CDK5RAP2: variants seen among roughly 807,000 people sequenced by gnomAD.
CDK5RAP2 encodes the protein CDK5 regulatory subunit-associated protein 2.
Under a neutral mutation model 232.9 loss-of-function variants are expected in CDK5RAP2, and 147 were observed. That is an observed-to-expected ratio of 0.63 (90% confidence interval 0.55 to 0.72). The LOEUF is 0.72. CDK5RAP2 is among the 30% of genes least tolerant of loss of function. The probability of loss-of-function intolerance (pLI) is 0.00; values close to 1 mark genes in which losing one functional copy is unlikely to be tolerated. For missense variants in CDK5RAP2, 2,195 were observed against 2,231.5 expected (o/e 0.98, Z 0.33); for synonymous variants, 833 against 833.7 (o/e 1.00, Z 0.01).
intron 34 of CDK5RAP2, among the ~76,000 whole-genome samples, chr9:120,401,749 C>T (rs1206964125): frequency 1.3e-5 from 2 of 151,966 alleles, no homozygotes; most frequent in Non-Finnish European, 2.9e-5. Flanking sequence ...TTTGGGAGGC[C>T]GAGGCAGTTG....
chr9:120,411,695 G>A (rs746699030), intron 28 of CDK5RAP2, among the ~76,000 whole-genome samples: 1 of 152,154 alleles, frequency 6.6e-6, no homozygotes, highest in Non-Finnish European at 1.5e-5. Flanking sequence ...GGAGAACAAA[G>A]CAGAAGACCT....
chr9:120,578,033 G>A (rs2043100881), intron 1 of CDK5RAP2, among the ~76,000 whole-genome samples: 1 of 152,168 alleles, frequency 6.6e-6, no homozygotes, highest in South Asian at 2.1e-4. Context: ...ACTTTGGGAG[G>A]CCAAGGAGAG....
Position 120,481,517 on chromosome 9 carries a change from C to CT in CDK5RAP2, c.1627-4068dup, listed in dbSNP as rs1317098813. ...ATATTGTTTTCTTTTTTTTTTTTTT[C>CT]TTTTTTTTTTTTTGAGATGGAGTCT... On this transcript the variant is annotated intron_variant, in intron 14 of 37. Transcript: ENST00000349780. 7.6e-3 allele frequency among the ~76,000 whole-genome samples: 844 copies of CT among 110,782 alleles called. 3 individuals carry two copies. Among genetic ancestry groups the CT allele is most frequent in the Non-Finnish European group, 8.5e-3 (446 of 52,562 alleles). 72.7% of individuals were successfully genotyped at this position (110,782 alleles called of 152,430 possible). A position where few individuals can be genotyped will look rare whatever the true frequency, so the allele number is the denominator to read the frequency against.
At chr9:120,575,550 G>A (rs2043002852) in intron 1 of CDK5RAP2, among the ~76,000 whole-genome samples, 1 of 152,128 alleles carries the variant, frequency 6.6e-6, no homozygotes, top group Admixed American at 6.5e-5. Flanking sequence ...TGTTTCATGA[G>A]AGTCATGGAT....
intron 3 of CDK5RAP2, among the ~76,000 whole-genome samples, chr9:120,552,693 T>G (rs1588638156): frequency 1.3e-5 from 1 of 78,184 alleles, no homozygotes; most frequent in African/African-American, 5.3e-5. Context: ...GGGCCTGTTG[T>G]GGGGTGGGGG....
At chr9:120,408,101 G>T (rs2033601446) in intron 31 of CDK5RAP2, 9 of 529,362 alleles carry the variant, frequency 1.7e-5, no homozygotes, top group South Asian at 1.6e-4. Context: ...GGGTCACATA[G>T]CTGGGAACAA....
In CDK5RAP2 at chr9:120,439,433, G is replaced by C. The variant is rs775514097; in HGVS notation, c.3688C>G (p.Leu1230Val). 36 of 1,614,054 alleles carry C rather than the reference G, an allele frequency of 2.2e-5. No individual in the cohort carries two copies. In the Admixed American group the frequency reaches 6.0e-4, roughly 27 times the overall value. ...GAGAGATCTCTGAACTTATTCTGCAGATTATGGATCTCACTGAAAAGTTGC... is the reference window on the plus strand; with the variant it reads ...GAGAGATCTCTGAACTTATTCTGCACATTATGGATCTCACTGAAAAGTTGC... ...NMQLFSEIHN[L>V]QNKFRDLSPP... Residue 1230 changes from leucine to valine, a missense_variant, in exon 24 of 38, where the codon CTG becomes GTG. Physicochemically the swap from Leu to Val is conservative, Grantham distance 32. Coordinates refer to ENST00000349780, the MANE Select transcript of CDK5RAP2 (RefSeq NM_018249.6).
rs765012481 is a variant in CDK5RAP2, at chr9:120,518,511, A to C, written c.1227T>G (p.Ser409Arg). The C allele has an allele frequency of 8.7e-6, 14 of 1,612,558 alleles. No individual in the cohort carries two copies. Among genetic ancestry groups the C allele is most frequent in the South Asian group, 1.1e-5 (1 of 90,876 alleles). Residue 409 changes from serine to arginine, a missense_variant, in exon 12 of 38, where the codon AGT becomes AGG. By Grantham distance (110) the Ser-to-Arg change is moderately radical. Transcript: ENST00000349780. ...GTCTCTCCCTCTCCTGCTGCAAGTC[A>C]CTCAGCTCCTGGGTGATCTTCTTAA... ...RSIKKITQEL[S>R]DLQQERERLE...
intron 23 of CDK5RAP2, among the ~76,000 whole-genome samples, chr9:120,440,974 CT>C (rs2035864818): frequency 1.3e-5 from 2 of 152,194 alleles, no homozygotes; most frequent in South Asian, 4.1e-4. Flanking sequence ...CTAGTAATAG[CT>C]AAACCCTTAG....
rs375270733 is a variant in CDK5RAP2, at chr9:120,549,834, C to G, written c.306+958G>C. Among the ~76,000 whole-genome samples the G allele has an allele frequency of 1.2e-4, 19 of 152,332 alleles. No individual in the cohort carries two copies. The South Asian group carries it at 3.9e-3, about 32-fold the overall frequency. On this transcript the variant is annotated intron_variant, in intron 4 of 37. Transcript: ENST00000349780. Reference sequence around the variant, plus strand: ...CCAGAAAAGGGGACATCCTCACTGTCTTTCCACTCCCAGAGTGAAGAAAAA... The same window carrying G: ...CCAGAAAAGGGGACATCCTCACTGTGTTTCCACTCCCAGAGTGAAGAAAAA...
intron 30 of CDK5RAP2, among the ~76,000 whole-genome samples, chr9:120,408,865 A>G (rs143749957): frequency 4.3e-4 from 66 of 152,368 alleles, no homozygotes; most frequent in African/African-American, 1.5e-3. Context: ...CACTGCATTC[A>G]GCTCTCTGAG....
chr9:120,493,912 C>T (rs774704712), intron 12 of CDK5RAP2, among the ~76,000 whole-genome samples: 5 of 151,856 alleles, frequency 3.3e-5, no homozygotes, highest in Non-Finnish European at 4.4e-5. Flanking sequence ...GCCAACATGG[C>T]GAAACTCTGT....
In CDK5RAP2 at chr9:120,532,397, G is replaced by A. The variant is rs891486723; in HGVS notation, c.663-2257C>T. On this transcript the variant is annotated intron_variant, in intron 7 of 37. Coordinates refer to ENST00000349780, the MANE Select transcript of CDK5RAP2 (RefSeq NM_018249.6). ...AAAGCATGCACCTTTAAAAAGGGTG[G>A]TGGGAGCCCAGAAAGATATTGGCAG... 7 of 152,294 alleles carry A rather than the reference G, an allele frequency of 4.6e-5. No individual in the cohort carries two copies. The East Asian group carries it at 1.2e-3, about 25-fold the overall frequency. 9.4% of individuals were successfully genotyped at this position (152,294 alleles called of 1,614,324 possible). A position where few individuals can be genotyped will look rare whatever the true frequency, so the allele number is the denominator to read the frequency against.
chr9:120,567,839 T>C lies in CDK5RAP2; in HGVS notation c.195+482A>G, dbSNP rs545244361. The stretch of plus-strand genomic sequence containing the variant: ...ATTCAAATCCCAACTCTGACACTTA[T>C]GTATTATATGACCATAAACAACTCT... On this transcript the variant is annotated intron_variant, in intron 3 of 37. Transcript: ENST00000349780. 7.8e-4 allele frequency among the ~76,000 whole-genome samples: 119 copies of C among 152,364 alleles called. No homozygotes were observed. In the Middle Eastern group the frequency reaches 0.01, roughly 13 times the overall value.
intron 15 of CDK5RAP2, 104 bp from the exon 16 acceptor site, chr9:120,471,982 T>C: frequency 6.8e-7 from 1 of 1,477,562 alleles, no homozygotes; most frequent in Non-Finnish European, 9.4e-7. Context: ...TTGTGTTTTT[T>C]TCTGGTTATA....
At chr9:120,515,060 C>A (rs574234451) in intron 12 of CDK5RAP2, among the ~76,000 whole-genome samples, 1 of 148,362 alleles carries the variant, frequency 6.7e-6, no homozygotes, top group East Asian at 1.9e-4. Flanking sequence ...TCGAGAGAGA[C>A]AGAGAGAGAG....
chr9:120,394,416 C>T, intron 36 of CDK5RAP2, 96 bp downstream of exon 36: 1 of 1,596,494 alleles, frequency 6.3e-7, no homozygotes, highest in South Asian at 1.1e-5. Flanking sequence ...TGATTACAAA[C>T]CATCTGGGCT....
chr9:120,501,804 C>A (rs2039588095), intron 12 of CDK5RAP2, among the ~76,000 whole-genome samples: 1 of 152,212 alleles, frequency 6.6e-6, no homozygotes, highest in Non-Finnish European at 1.5e-5. Flanking sequence ...CAGCTATGCC[C>A]TGCCCAAGTC....
intron 18 of CDK5RAP2, among the ~76,000 whole-genome samples, chr9:120,462,742 G>C (rs116844759): frequency 0.02 from 3,041 of 152,304 alleles, 50 homozygotes; most frequent in Non-Finnish European, 0.028. Flanking sequence ...GCTGGGGTGG[G>C]ACTGGGTATG....
Sources: gnomAD v4.1 joint callset for allele counts (sites outside exome capture counted in the v4.1 genomes callset) on GRCh38, gnomAD v4.1.1 for gene constraint, MANE v1.5 for transcripts, NCBI Gene and HGNC (gene_info 2026-07-23, HGNC 2026-07-21) for gene names.